The following KLF8 variants were observed in gnomAD, a reference collection of about 807,000 sequenced individuals.
The protein encoded by KLF8 is Krueppel-like factor 8.
In KLF8, 10 loss-of-function variants were observed where a neutral mutation model predicts 18.2. That is an observed-to-expected ratio of 0.55 (90% CI 0.34 to 0.93). KLF8 has a LOEUF of 0.93. KLF8 is among the 40% of genes least tolerant of loss of function. The probability of loss-of-function intolerance (pLI) is 0.02; values close to 1 mark genes in which losing one functional copy is unlikely to be tolerated. For synonymous variants in KLF8, 109 were observed against 97.3 expected (o/e 1.12, Z -0.71); for missense variants, 264 against 277.9 (o/e 0.95, Z 0.36).
chrX:56,045,395 C>T, the KLF8 span, among the ~76,000 whole-genome samples: 2 of 110,260 alleles, frequency 1.8e-5, no homozygotes, highest in South Asian at 7.6e-4. Context: ...TTTTTTCGTT[C>T]TGTATGAATT....
the KLF8 span, among the ~76,000 whole-genome samples, chrX:56,202,704 G>A: frequency 3.6e-5 from 4 of 109,754 alleles, no homozygotes; most frequent in Admixed American, 3.9e-4. Flanking sequence ...TCTGTGCCTG[G>A]CTTATAACAT....
chrX:55,985,882 T>C, the KLF8 span, among the ~76,000 whole-genome samples: 1 of 111,196 alleles, frequency 9.0e-6, no homozygotes, highest in Non-Finnish European at 1.9e-5. Flanking sequence ...TATTATATTC[T>C]TTTTGTGGGA....
At chrX:56,063,620 G>T in the KLF8 span, among the ~76,000 whole-genome samples, 1 of 111,823 alleles carries the variant, frequency 8.9e-6, no homozygotes, top group Non-Finnish European at 1.9e-5. Flanking sequence ...TCCCAGTCAG[G>T]AGACATGGGC....
the KLF8 span, among the ~76,000 whole-genome samples, chrX:55,914,090 A>G: frequency 1.8e-5 from 2 of 112,014 alleles, no homozygotes; most frequent in Non-Finnish European, 3.8e-5. Flanking sequence ...GGCATGATAC[A>G]TATGTAATGG....
chrX:55,990,682 T>G, the KLF8 span, among the ~76,000 whole-genome samples: 1 of 112,178 alleles, frequency 8.9e-6, no homozygotes, highest in South Asian at 3.7e-4. Flanking sequence ...GATTTTGGTG[T>G]GGATGTCCTT....
the KLF8 span, among the ~76,000 whole-genome samples, chrX:56,081,644 G>T: frequency 8.9e-6 from 1 of 111,797 alleles, no homozygotes; most frequent in East Asian, 2.8e-4. Flanking sequence ...TGTGGAGAAA[G>T]TTCTGTTCTA....
chrX:56,062,137 T>C, the KLF8 span, among the ~76,000 whole-genome samples: 1 of 109,659 alleles, frequency 9.1e-6, no homozygotes, highest in Non-Finnish European at 1.9e-5. Context: ...CTGTGTCTTT[T>C]AATTGAGGCA....
At chrX:56,036,653 G>A in the KLF8 span, among the ~76,000 whole-genome samples, 1 of 111,466 alleles carries the variant, frequency 9.0e-6, no homozygotes, top group South Asian at 3.7e-4. Context: ...GATTGTTTTA[G>A]GTATTTAGAG....
chrX:55,963,811 G>A, the KLF8 span, among the ~76,000 whole-genome samples: 1 of 111,867 alleles, frequency 8.9e-6, no homozygotes, highest in East Asian at 2.8e-4. Flanking sequence ...CAATAACAGA[G>A]TATATATTCG....
intron 5 of KLF8, among the ~76,000 whole-genome samples, chrX:56,273,999 T>G (rs774053655): frequency 4.2e-4 from 47 of 112,412 alleles, no homozygotes; most frequent in African/African-American, 1.5e-3. Flanking sequence ...TGCAGATATC[T>G]CATTGATATA....
At chrX:56,102,902 T>G in the KLF8 span, among the ~76,000 whole-genome samples, 2 of 54,668 alleles carry the variant, frequency 3.7e-5, no homozygotes, top group Non-Finnish European at 6.6e-5. Flanking sequence ...CCCTCCCCCC[T>G]CCCCCCACCC....
the KLF8 span, among the ~76,000 whole-genome samples, chrX:56,071,354 C>A: frequency 9.0e-6 from 1 of 111,421 alleles, no homozygotes; most frequent in East Asian, 2.8e-4. Context: ...GAAAAATGAG[C>A]TCTTTTATTT....
At chrX:55,986,642 T>C in the KLF8 span, among the ~76,000 whole-genome samples, 5 of 112,358 alleles carry the variant, frequency 4.5e-5, no homozygotes, top group African/African-American at 1.6e-4. Context: ...ATGTATCTTC[T>C]TTTGAGAAAT....
chrX:56,153,571 G>T, the KLF8 span, among the ~76,000 whole-genome samples: 2 of 110,709 alleles, frequency 1.8e-5, no homozygotes, highest in Non-Finnish European at 3.8e-5. Flanking sequence ...TCCCTGTCTC[G>T]TGCCAGTTTT....
At chrX:56,058,287 T>TACAC in the KLF8 span, among the ~76,000 whole-genome samples, 9 of 40,518 alleles carry the variant, frequency 2.2e-4, no homozygotes, top group South Asian at 7.9e-3. Context: ...TACATATATA[T>TACAC]ATATATATAT....
At chrX:56,081,942 A>G in the KLF8 span, among the ~76,000 whole-genome samples, 1 of 111,415 alleles carries the variant, frequency 9.0e-6, no homozygotes, top group Non-Finnish European at 1.9e-5. Flanking sequence ...TCTTATTTTG[A>G]TTTGAGGGTA....
chrX:55,985,832 C>T, the KLF8 span, among the ~76,000 whole-genome samples: 2 of 110,398 alleles, frequency 1.8e-5, no homozygotes, highest in African/African-American at 6.6e-5. Context: ...AGTTCCCCTT[C>T]AAGAGGTCCT....
In KLF8 at chrX:56,288,995, A is replaced by C. The variant is rs984788017; in HGVS notation, c.*4501A>C. On this transcript the variant is annotated 3_prime_UTR_variant, in exon 6 of 6. Transcript: ENST00000468660. Reference sequence around the variant, plus strand: ...CACTATGTGCAGCCCATGCTTCTGGAGTGGTAAGTTATATGCCACACCCTT... The same window carrying C: ...CACTATGTGCAGCCCATGCTTCTGGCGTGGTAAGTTATATGCCACACCCTT... Among the ~76,000 whole-genome samples, 10 of 111,798 alleles carry C rather than the reference A, an allele frequency of 8.9e-5. No individual in the cohort carries two copies. Among genetic ancestry groups the C allele is most frequent in the Non-Finnish European group, 1.5e-4 (8 of 53,183 alleles).
At chrX:56,074,308 T>C in the KLF8 span, among the ~76,000 whole-genome samples, 2 of 111,661 alleles carry the variant, frequency 1.8e-5, no homozygotes, top group African/African-American at 6.5e-5. Context: ...CACTTTTATA[T>C]TTTTTTCCTT....
Sources: allele counts gnomAD v4.1 joint callset (sites outside exome capture counted in the v4.1 genomes callset), GRCh38; gene constraint gnomAD v4.1.1; transcripts MANE v1.5; gene names NCBI Gene and HGNC (gene_info 2026-07-23, HGNC 2026-07-21).